PSPC1: variants seen among roughly 807,000 people sequenced by gnomAD.
PSPC1 encodes the protein paraspeckle protein 1.
In PSPC1, 14 loss-of-function variants were observed where a neutral mutation model predicts 51.6. The observed-to-expected ratio is 0.27, with a 90% confidence interval of 0.18 to 0.42. The LOEUF is 0.42. Ranked by LOEUF, PSPC1 falls within the 10% of genes least tolerant of loss-of-function variation. The pLI is 1.00. For synonymous variants in PSPC1, 193 were observed against 231.9 expected, an observed-to-expected ratio of 0.83 and a Z score of 1.53; for missense variants, 406 against 701.1, an observed-to-expected ratio of 0.58 and a Z score of 4.75.
At chr13:19,769,848 T>C (rs1888455091) in intron 2 of PSPC1, among the ~76,000 whole-genome samples, 1 of 152,194 alleles carries the variant, frequency 6.6e-6, no homozygotes, top group Admixed American at 6.5e-5. Context: ...GGTAGGAATG[T>C]AAAATGATAC....
At chr13:19,700,592 A>T (rs1263404812), downstream of PSPC1, among the ~76,000 whole-genome samples, 3 of 152,180 alleles carry the variant, frequency 2.0e-5, 1 homozygote, top group South Asian at 4.1e-4. Context: ...GGGAAATTCC[A>T]ACAACATAGA....
intron 5 of PSPC1, among the ~76,000 whole-genome samples, chr13:19,739,862 TAAAAAAAA>T (rs1005642453): frequency 7.7e-6 from 1 of 129,368 alleles, no homozygotes; most frequent in South Asian, 2.5e-4. Context: ...GAGAGTTGTT[TAAAAAAAA>T]AAAAAAAAAA....
At chr13:19,736,515 C>T (rs1324359950) in intron 5 of PSPC1, among the ~76,000 whole-genome samples, 1 of 151,894 alleles carries the variant, frequency 6.6e-6, no homozygotes, top group African/African-American at 2.4e-5. Context: ...AACCCCATCT[C>T]TACTAAAAAT....
At chr13:19,724,403 A>T (rs1269849585) in intron 6 of PSPC1, among the ~76,000 whole-genome samples, 1 of 152,188 alleles carries the variant, frequency 6.6e-6, no homozygotes, top group East Asian at 1.9e-4. Flanking sequence ...TTAAAGCAAG[A>T]GATGATAGAT....
chr13:19,689,324 C>CACTGA (rs1221368226), intron 6 of PSPC1, among the ~76,000 whole-genome samples: 1 of 152,156 alleles, frequency 6.6e-6, no homozygotes, highest in Non-Finnish European at 1.5e-5. Flanking sequence ...ATGGCAAAGA[C>CACTGA]ACTGAACACT....
chr13:19,680,290 T>C (rs111564115), intron 6 of PSPC1, among the ~76,000 whole-genome samples: 3 of 152,254 alleles, frequency 2.0e-5, no homozygotes, highest in African/African-American at 7.2e-5. Flanking sequence ...GCTGGGATTA[T>C]AGGTGTGAGC....
At chr13:19,679,103 T>G (rs185792192) in intron 6 of PSPC1, 5 of 152,322 alleles carry the variant, frequency 3.3e-5, no homozygotes, top group Non-Finnish European at 7.3e-5. Context: ...AAAAAATTAT[T>G]TTTTATATAT....
chr13:19,772,674 T>A, intron 1 of PSPC1, 131 bp from the exon 2 acceptor site: 1 of 788,384 alleles, frequency 1.3e-6, no homozygotes, highest in African/African-American at 1.7e-5. Flanking sequence ...TTGTATCTTT[T>A]AACTTTGGTA....
chr13:19,744,739 AT>A (rs1367635495), intron 4 of PSPC1, among the ~76,000 whole-genome samples: 1 of 152,020 alleles, frequency 6.6e-6, no homozygotes, highest in Admixed American at 6.6e-5. Flanking sequence ...TAATTTTTGT[AT>A]TTTTAGTAGA....
intron 6 of PSPC1, among the ~76,000 whole-genome samples, chr13:19,728,855 G>A (rs1883695565): frequency 6.6e-6 from 1 of 152,096 alleles, no homozygotes; most frequent in South Asian, 2.1e-4. Flanking sequence ...TAAGAGCATA[G>A]TAACTTTGTG....
chr13:19,769,561 AC>A (rs1888423983), intron 2 of PSPC1, among the ~76,000 whole-genome samples: 1 of 149,100 alleles, frequency 6.7e-6, no homozygotes, highest in South Asian at 2.1e-4. Context: ...TCAAAAAAAA[AC>A]CCCGTCTTAC....
chr13:19,680,851 G>GA, intron 6 of PSPC1, among the ~76,000 whole-genome samples: 1 of 152,250 alleles, frequency 6.6e-6, no homozygotes, highest in Middle Eastern at 3.4e-3. Context: ...ATTGAATGGA[G>GA]ACATTTTTCA....
At chr13:19,772,216 A>C in intron 2 of PSPC1, 26 bp downstream of exon 2, 1 of 1,598,792 alleles carries the variant, frequency 6.3e-7, no homozygotes, top group African/African-American at 1.3e-5. Context: ...ACTGGATAGA[A>C]GAAGGACAAG....
At chr13:19,713,169 G>A (rs1285828920) in intron 6 of PSPC1, among the ~76,000 whole-genome samples, 1 of 152,090 alleles carries the variant, frequency 6.6e-6, no homozygotes, top group African/African-American at 2.4e-5. Context: ...TAGAACCAGT[G>A]CGTATACGTG....
In PSPC1 at chr13:19,759,820, T is replaced by C. The variant is rs139605961; in HGVS notation, c.675-402A>G. On this transcript the variant is annotated intron_variant, in intron 2 of 8. Coordinates refer to ENST00000338910, the MANE Select transcript of PSPC1 (RefSeq NM_001354909.2). ...GAGGTTGAAGTGAGTCAAGATCGCA[T>C]CACTGCACTCCAGCCTGGGCAACAC... Among the ~76,000 whole-genome samples, 623 of 143,346 alleles carry C rather than the reference T, an allele frequency of 4.3e-3. 2 individuals carry two copies. Among genetic ancestry groups the C allele is most frequent in the African/African-American group, 0.016 (604 of 38,586 alleles). 94.0% of individuals were successfully genotyped at this position (143,346 alleles called of 152,430 possible). A position where few individuals can be genotyped will look rare whatever the true frequency, so the allele number is the denominator to read the frequency against.
intron 3 of PSPC1, among the ~76,000 whole-genome samples, chr13:19,753,011 G>A (rs371251139): frequency 4.6e-5 from 7 of 151,832 alleles, no homozygotes; most frequent in South Asian, 2.1e-4. Flanking sequence ...GACTGGGCAC[G>A]GTAGGTCACA....
rs1466021917 is a variant in PSPC1, at chr13:19,730,308, C to G, written c.1089G>C (p.Met363Ile). The G allele has an allele frequency of 6.2e-7, 1 of 1,613,950 alleles. No individual in the cohort carries two copies. Among genetic ancestry groups the G allele is most frequent in the South Asian group, 1.1e-5 (1 of 91,064 alleles). ...EEEHRRREEEMIRHREQEELR... is the reference protein window; with the variant it reads ...EEEHRRREEEIIRHREQEELR... ...GTTCCTCCTGTTCTCTGTGTCGGATCATTTCTTCCTCACGCCGCCGATGCT... is the reference window on the plus strand; with the variant it reads ...GTTCCTCCTGTTCTCTGTGTCGGATGATTTCTTCCTCACGCCGCCGATGCT... Residue 363 changes from methionine (M) to isoleucine (I), a missense_variant, in exon 6 of 9, where the codon ATG becomes ATC. This residue lies in a region of PSPC1 where 61 missense variants were observed against 78.4 expected (regional missense o/e 0.78). Coordinates refer to ENST00000338910, the MANE Select transcript of PSPC1 (RefSeq NM_001354909.2).
In PSPC1 at chr13:19,744,264, C is replaced by A. The variant is rs181135641; in HGVS notation, c.968-2615G>T. Among the ~76,000 whole-genome samples, 108 of 152,270 alleles carry A rather than the reference C, an allele frequency of 7.1e-4. 1 individual carries two copies. The highest frequency in any genetic ancestry group is 2.3e-3 in the African/African-American group (97 of 41,540). On this transcript the variant is annotated intron_variant, in intron 4 of 8. Transcript: ENST00000338910. ...GATCTTCCCACCTCAGTCTCCCCAA[C>A]AGCCAGGACTGACAGGCTTTTAACC...
Position 19,713,189 on chromosome 13 carries a change from C to G in PSPC1, c.1159-3590G>C, listed in dbSNP as rs867804733. 8.5e-5 allele frequency among the ~76,000 whole-genome samples: 13 copies of G among 152,222 alleles called. No homozygotes were observed. In the Middle Eastern group the frequency reaches 0.01, roughly 119 times the overall value. On this transcript the variant is annotated intron_variant, in intron 6 of 8. Coordinates refer to ENST00000338910, the MANE Select transcript of PSPC1 (RefSeq NM_001354909.2). Reference sequence around the variant, plus strand: ...CCAGTGCGTATACGTGATATTTTTACAAATTTTAATAATGCTTTATTACAT... The same window carrying G: ...CCAGTGCGTATACGTGATATTTTTAGAAATTTTAATAATGCTTTATTACAT...
Sources: allele counts gnomAD v4.1 joint callset (sites outside exome capture counted in the v4.1 genomes callset), GRCh38; gene constraint gnomAD v4.1.1; regional missense constraint gnomAD v4.1.1; transcripts MANE v1.5; gene names NCBI Gene and HGNC (gene_info 2026-07-23, HGNC 2026-07-21).